The following KLRG1 variants were observed in gnomAD, a reference collection of about 807,000 sequenced individuals.
KLRG1 encodes killer cell lectin-like receptor subfamily G member 1.
A neutral mutation model predicts 21.8 loss-of-function variants in KLRG1; 16 were observed. That is an observed-to-expected ratio of 0.73 (90% confidence interval 0.50 to 1.11). The LOEUF is 1.11. Among genes scored for constraint, KLRG1 ranks in the 50% most tolerant of loss-of-function variants. KLRG1 has a pLI of 0.00. For missense variants in KLRG1, 173 were observed against 218.3 expected (o/e 0.79, Z 1.31); for synonymous variants, 69 against 75.9 (o/e 0.91, Z 0.47).
chr12:9,071,868 GGAGA>G, the KLRG1 span, among the ~76,000 whole-genome samples: 4 of 152,102 alleles, frequency 2.6e-5, no homozygotes, highest in African/African-American at 9.7e-5. Context: ...ATATGTTTGT[GGAGA>G]GAGAGTTTTT....
At chr12:9,147,497 T>C in the KLRG1 span, among the ~76,000 whole-genome samples, 1 of 152,232 alleles carries the variant, frequency 6.6e-6, no homozygotes, top group Non-Finnish European at 1.5e-5. Context: ...TGAATCTTAC[T>C]GGCTTCGGTG....
chr12:9,191,836 T>C, the KLRG1 span, among the ~76,000 whole-genome samples: 1 of 152,148 alleles, frequency 6.6e-6, no homozygotes, highest in South Asian at 2.1e-4. Context: ...TTTCCCATGA[T>C]AATTACTTTT....
intron 1 of KLRG1, among the ~76,000 whole-genome samples, chr12:8,976,985 A>C (rs1318826204): frequency 1.3e-5 from 2 of 152,154 alleles, no homozygotes; most frequent in African/African-American, 4.8e-5. Flanking sequence ...GCCTGACCTC[A>C]GATGATCTAC....
the KLRG1 span, chr12:9,093,620 G>A: frequency 2.6e-5 from 29 of 1,113,868 alleles, no homozygotes; most frequent in South Asian, 4.2e-4. Flanking sequence ...TAAACATACA[G>A]ATAAAGCTTA....
chr12:8,965,833 A>G (rs1474168868), intron 1 of KLRG1, among the ~76,000 whole-genome samples: 1 of 151,844 alleles, frequency 6.6e-6, no homozygotes, highest in Non-Finnish European at 1.5e-5. Context: ...ATTGGAAAAA[A>G]CTACTTTGAA....
the KLRG1 span, among the ~76,000 whole-genome samples, chr12:9,205,441 T>C: frequency 1.3e-5 from 2 of 152,188 alleles, no homozygotes; most frequent in Non-Finnish European, 2.9e-5. Context: ...CCATTTAATC[T>C]TCCCAGCAAT....
intron 1 of KLRG1, among the ~76,000 whole-genome samples, chr12:8,964,313 C>A (rs1946428412): frequency 6.6e-6 from 1 of 152,172 alleles, no homozygotes; most frequent in Admixed American, 6.5e-5. Flanking sequence ...CATTCAGGAG[C>A]AGATTGCTCA....
At chr12:9,136,113 T>C in the KLRG1 span, among the ~76,000 whole-genome samples, 2 of 152,142 alleles carry the variant, frequency 1.3e-5, no homozygotes, top group Non-Finnish European at 2.9e-5. Flanking sequence ...ATGGTCAGAC[T>C]TTGTATTGTG....
the KLRG1 span, among the ~76,000 whole-genome samples, chr12:9,152,001 T>C: frequency 6.6e-6 from 1 of 152,224 alleles, no homozygotes; most frequent in African/African-American, 2.4e-5. Flanking sequence ...GACTAAACTA[T>C]GAGTGGCCTA....
intron 3 of KLRG1, among the ~76,000 whole-genome samples, chr12:8,997,161 C>T (rs1947156725): frequency 6.6e-6 from 1 of 152,168 alleles, no homozygotes; most frequent in Non-Finnish European, 1.5e-5. Flanking sequence ...GTAAAACCAG[C>T]AGAGTTACAT....
At chr12:9,165,505 CT>C in the KLRG1 span, 1 of 949,102 alleles carries the variant, frequency 1.1e-6, no homozygotes, top group African/African-American at 1.6e-5. Context: ...CGTGTGAACA[CT>C]AGATTATGTC....
At chr12:9,098,362 T>C in the KLRG1 span, 1 of 215,272 alleles carries the variant, frequency 4.6e-6, no homozygotes, top group South Asian at 1.8e-4. Flanking sequence ...TTTTGTCCTT[T>C]TAAAAATTCT....
chr12:9,001,849 A>G lies in KLRG1; in HGVS notation c.357+6561A>G, dbSNP rs909733438. On this transcript the variant is annotated intron_variant, in intron 3 of 4. Transcript: ENST00000356986. Reference sequence around the variant, plus strand: ...ACAGAGATATACTGCCTAAAAATACATTTATCCTATGTTTTTAGGTGTTTT... The same window carrying G: ...ACAGAGATATACTGCCTAAAAATACGTTTATCCTATGTTTTTAGGTGTTTT... Among the ~76,000 whole-genome samples the G allele has an allele frequency of 8.5e-5, 13 of 152,056 alleles. 1 individual carries two copies. Among genetic ancestry groups the G allele is most frequent in the Non-Finnish European group, 1.0e-4 (7 of 68,022 alleles).
At chr12:8,959,460 A>G (rs1360065896) in intron 1 of KLRG1, among the ~76,000 whole-genome samples, 1 of 152,162 alleles carries the variant, frequency 6.6e-6, no homozygotes, top group Non-Finnish European at 1.5e-5. Flanking sequence ...TCCCCAGCCA[A>G]TCCGTTGTTT....
the KLRG1 span, chr12:9,201,485 A>G: frequency 1.6e-6 from 1 of 623,974 alleles, no homozygotes; most frequent in Non-Finnish European, 2.8e-6. Flanking sequence ...GAACTGGAAA[A>G]ATCTCAGGGA....
chr12:9,113,587 G>C, the KLRG1 span: 184 of 1,573,590 alleles, frequency 1.2e-4, 2 homozygotes, highest in African/African-American at 2.4e-3. Context: ...AAGGAAGAGA[G>C]GCATTGCTAT....
chr12:8,968,454 A>C (rs1159758011), intron 1 of KLRG1, among the ~76,000 whole-genome samples: 1 of 152,222 alleles, frequency 6.6e-6, no homozygotes, highest in Non-Finnish European at 1.5e-5. Flanking sequence ...TGCACCTAAT[A>C]ACATAGCTTC....
At chr12:9,059,784 A>G in the KLRG1 span, among the ~76,000 whole-genome samples, 1 of 152,042 alleles carries the variant, frequency 6.6e-6, no homozygotes, top group African/African-American at 2.4e-5. Context: ...GGCTCCAGCT[A>G]TCCTCCCACC....
chr12:9,182,463 T>TG, the KLRG1 span, among the ~76,000 whole-genome samples: 1 of 152,190 alleles, frequency 6.6e-6, no homozygotes, highest in African/African-American at 2.4e-5. Flanking sequence ...AGACTAGAGG[T>TG]GATTCTCAAT....
Sources: gnomAD v4.1 joint callset for allele counts (sites outside exome capture counted in the v4.1 genomes callset) on GRCh38, gnomAD v4.1.1 for gene constraint, MANE v1.5 for transcripts, NCBI Gene and HGNC (gene_info 2026-07-23, HGNC 2026-07-21) for gene names.